The following KCNH1 variants were observed in gnomAD, a reference collection of about 807,000 sequenced individuals.
The protein encoded by KCNH1 is voltage-gated delayed rectifier potassium channel KCNH1.
A neutral mutation model predicts 69.2 loss-of-function variants in KCNH1; 27 were observed. That is an observed-to-expected ratio of 0.39 (90% confidence interval 0.29 to 0.54). KCNH1 has a LOEUF of 0.54. Among genes scored for constraint, KCNH1 ranks in the 20% least tolerant of loss-of-function variants. KCNH1 has a pLI of 0.68. For missense variants in KCNH1, 798 were observed against 1,261.6 expected, an observed-to-expected ratio of 0.63 and a Z score of 5.57; for synonymous variants, 456 against 487.7, an observed-to-expected ratio of 0.93 and a Z score of 0.86.
chr1:210,884,916 T>G (rs574222034), intron 7 of KCNH1, among the ~76,000 whole-genome samples: 1 of 152,294 alleles, frequency 6.6e-6, no homozygotes, highest in East Asian at 1.9e-4. Context: ...GTGAGTCAAC[T>G]TTACCCTTCC....
chr1:210,757,530 C>T (rs1424861796), intron 10 of KCNH1, among the ~76,000 whole-genome samples: 6 of 152,216 alleles, frequency 3.9e-5, no homozygotes, highest in South Asian at 2.1e-4. Flanking sequence ...TTCTAAGCCA[C>T]TCCCTGACTC....
chr1:210,938,303 C>T (rs61848998), intron 6 of KCNH1, among the ~76,000 whole-genome samples: 6,921 of 152,214 alleles, frequency 0.045, 265 homozygotes, highest in South Asian at 0.14. Context: ...ATTTTCTTAT[C>T]TATACATATA....
At chr1:210,805,047 C>T (rs1202278493) in intron 7 of KCNH1, among the ~76,000 whole-genome samples, 4 of 152,220 alleles carry the variant, frequency 2.6e-5, no homozygotes, top group Non-Finnish European at 5.9e-5. Context: ...AGGAAGTCTT[C>T]CTATACACCT....
chr1:210,834,822 T>C (rs1685247382), intron 7 of KCNH1, among the ~76,000 whole-genome samples: 1 of 152,050 alleles, frequency 6.6e-6, no homozygotes, highest in African/African-American at 2.4e-5. Context: ...AGAAAAAAGA[T>C]GGTGTCTATG....
rs780951598 is a variant in KCNH1, at chr1:210,683,374, A to G, written c.2877T>C (p.Thr959=). The part of the protein sequence containing the change: ...KQLSEILRIL[T]SRRSSQSPQE... ...GAGGAGACTGAGAGGATCTTCTGGA[A>G]GTTAATATCCTGAGTATCTCAGAGA... The change falls in exon 11 of 11, where the codon ACT becomes ACC. Residue 959 remains threonine (T), a synonymous_variant. Coordinates refer to ENST00000271751, the MANE Select transcript of KCNH1 (RefSeq NM_172362.3). This position sits in a 1 kb window ranked among gnomAD's most constrained non-coding sequence, Gnocchi z 5.7. The G allele has an allele frequency of 1.9e-6, 3 of 1,614,060 alleles. No homozygotes were observed. In the South Asian group the frequency reaches 3.3e-5, roughly 18 times the overall value.
intron 6 of KCNH1, among the ~76,000 whole-genome samples, chr1:210,947,574 CAA>C (rs200240311): frequency 1.9e-4 from 22 of 113,546 alleles, no homozygotes; most frequent in East Asian, 5.2e-4. Flanking sequence ...GACTCTGTCT[CAA>C]AAAAAAAAAA....
At chr1:211,013,248 G>A (rs1250021813) in intron 6 of KCNH1, among the ~76,000 whole-genome samples, 2 of 152,252 alleles carry the variant, frequency 1.3e-5, no homozygotes, top group African/African-American at 4.8e-5. Context: ...AAGCCTGGAA[G>A]AGCAGGGAAT....
At chr1:210,869,209 AG>A (rs1306741443) in intron 7 of KCNH1, among the ~76,000 whole-genome samples, 5 of 151,948 alleles carry the variant, frequency 3.3e-5, no homozygotes, top group Admixed American at 3.3e-4. Flanking sequence ...AATTTTGTTC[AG>A]TAATTTGATC....
At chr1:211,105,149 T>C (rs17017211) in intron 2 of KCNH1, among the ~76,000 whole-genome samples, 4,741 of 152,288 alleles carry the variant, frequency 0.031, 241 homozygotes, top group African/African-American at 0.11. Flanking sequence ...CTGTACTCTT[T>C]GTCTATAAGC....
chr1:210,856,467 G>A (rs1287780403), intron 7 of KCNH1, among the ~76,000 whole-genome samples: 1 of 152,096 alleles, frequency 6.6e-6, no homozygotes, highest in African/African-American at 2.4e-5. Flanking sequence ...GAGGTGATGA[G>A]AAAGTTGAGC....
chr1:211,069,231 C>T (rs911759622), intron 5 of KCNH1, among the ~76,000 whole-genome samples: 1 of 152,108 alleles, frequency 6.6e-6, no homozygotes, highest in Non-Finnish European at 1.5e-5. Flanking sequence ...GCCCGGGGCA[C>T]AGACTCACTA....
intron 5 of KCNH1, among the ~76,000 whole-genome samples, chr1:211,075,934 G>T (rs781065448): frequency 2.6e-5 from 4 of 152,192 alleles, no homozygotes; most frequent in Non-Finnish European, 5.9e-5. Context: ...ATTATATCCC[G>T]CACCTGGCTC....
intron 1 of KCNH1, chr1:211,132,594 TAA>T (rs972520317): frequency 2.6e-5 from 4 of 152,250 alleles, no homozygotes; most frequent in African/African-American, 9.6e-5. Context: ...ACTGTTTAAT[TAA>T]AGAGTGTTTA....
chr1:211,070,460 A>C (rs546887258), intron 5 of KCNH1, among the ~76,000 whole-genome samples: 12,042 of 127,210 alleles, frequency 0.095, 797 homozygotes, highest in South Asian at 0.17. Context: ...CACACACACA[A>C]ACAAACAAAT....
chr1:210,847,474 A>T (rs952819213), intron 7 of KCNH1, among the ~76,000 whole-genome samples: 6 of 151,962 alleles, frequency 3.9e-5, no homozygotes, highest in African/African-American at 1.5e-4. Flanking sequence ...GCAAACTATC[A>T]CAAGGACAAA....
intron 6 of KCNH1, among the ~76,000 whole-genome samples, chr1:210,934,035 C>T (rs1016727755): frequency 2.6e-5 from 4 of 152,010 alleles, no homozygotes; most frequent in East Asian, 3.8e-4. Context: ...AAAATCAACA[C>T]GAAATGGATT....
intron 10 of KCNH1, among the ~76,000 whole-genome samples, chr1:210,698,623 C>T (rs1681699577): frequency 6.6e-6 from 1 of 152,210 alleles, no homozygotes; most frequent in Admixed American, 6.5e-5. Context: ...GGAGGGAGCC[C>T]CACGTCACCT....
At chr1:210,943,923 T>C (rs1272042492) in intron 6 of KCNH1, among the ~76,000 whole-genome samples, 1 of 152,172 alleles carries the variant, frequency 6.6e-6, no homozygotes, top group Non-Finnish European at 1.5e-5. Context: ...GATACCGGTT[T>C]CCCACATATA....
intron 1 of KCNH1, among the ~76,000 whole-genome samples, chr1:211,129,097 T>C (rs1206458194): frequency 6.6e-6 from 1 of 152,138 alleles, no homozygotes. Context: ...CCCCCAGAAC[T>C]AAGATTCTGT....
Sources: gnomAD v4.1 joint callset for allele counts (sites outside exome capture counted in the v4.1 genomes callset) on GRCh38, gnomAD v4.1.1 for gene constraint, Gnocchi (gnomAD v3.1) non-coding constraint, MANE v1.5 for transcripts, NCBI Gene and HGNC (gene_info 2026-07-23, HGNC 2026-07-21) for gene names.